KRT26: variants seen among roughly 807,000 people sequenced by gnomAD.
The protein encoded by KRT26 is keratin 26.
A neutral mutation model predicts 46.1 loss-of-function variants in KRT26; 45 were observed. That is an observed-to-expected ratio of 0.98 (90% CI 0.77 to 1.25). The LOEUF (loss-of-function observed/expected upper bound fraction) is 1.25, where lower values mean the gene tolerates loss of function less well. KRT26 is among the 50% of genes most tolerant of loss of function. The pLI is 0.00. For missense variants in KRT26, 582 were observed against 560.1 expected (o/e 1.04, Z -0.39); for synonymous variants, 191 against 209.9 (o/e 0.91, Z 0.78).
chr17:40,770,010 T>C (rs2038207518), exon 4 of KRT26: 1 of 1,614,058 alleles, frequency 6.2e-7, no homozygotes, highest in South Asian at 1.1e-5. Flanking sequence ...CTCAGCCAAG[T>C]CCTCATACTC....
Sources: gnomAD v4.1 joint callset for allele counts on GRCh38, gnomAD v4.1.1 for gene constraint, MANE v1.5 for transcripts, NCBI Gene and HGNC (gene_info 2026-07-23, HGNC 2026-07-21) for gene names.